CERS4: variants seen among roughly 807,000 people sequenced by gnomAD.
The protein encoded by CERS4 is ceramide synthase 4, also known as LAG1 homolog, ceramide synthase 4.
In CERS4, 65 loss-of-function variants were observed where a neutral mutation model predicts 51.8. The observed-to-expected ratio is 1.26, with a 90% confidence interval of 1.03 to 1.54. The LOEUF (loss-of-function observed/expected upper bound fraction) is 1.54. CERS4 is among the 40% of genes most tolerant of loss of function. The probability of loss-of-function intolerance (pLI) is 0.00; values close to 1 mark genes in which losing one functional copy is unlikely to be tolerated. For synonymous variants in CERS4, 228 were observed against 208.4 expected (o/e 1.09, Z -0.81); for missense variants, 563 against 500.4 (o/e 1.13, Z -1.19).
At chr19:8,212,859 G>T (rs770725121) in intron 2 of CERS4, among the ~76,000 whole-genome samples, 2 of 151,650 alleles carry the variant, frequency 1.3e-5, no homozygotes, top group Non-Finnish European at 2.9e-5. Flanking sequence ...TGTTGGCCAG[G>T]CTGGTCTCGA....
At position 8,256,296 on chromosome 19, in the gene CERS4, AGAGT is replaced by A. The variant is rs779421017; in HGVS notation, c.519+12_519+15del. ...CAGGTACCCAAACCAGGTGAGTGGC[AGAGT>A]GTGTGTGAATGCTTGGAGGGTGAGG... On this transcript the variant is annotated intron_variant, in intron 7 of 11. Coordinates refer to ENST00000251363, the MANE Select transcript of CERS4 (RefSeq NM_024552.3). 5 of 1,409,166 alleles carry A rather than the reference AGAGT, an allele frequency of 3.5e-6. No homozygotes were observed. Among genetic ancestry groups the A allele is most frequent in the Non-Finnish European group, 4.9e-6 (5 of 1,016,410 alleles). 87.3% of individuals were successfully genotyped at this position (1,409,166 alleles called of 1,614,324 possible).
intron 2 of CERS4, among the ~76,000 whole-genome samples, chr19:8,247,058 C>T (rs758722072): frequency 7.9e-5 from 12 of 152,086 alleles, no homozygotes; most frequent in Admixed American, 7.9e-4. Context: ...CCCAGCTACT[C>T]GGGAGACTGA....
chr19:8,259,138 TAAAA>T (rs571478547), intron 10 of CERS4, among the ~76,000 whole-genome samples: 23 of 151,444 alleles, frequency 1.5e-4, no homozygotes, highest in African/African-American at 4.6e-4. Flanking sequence ...TGTCTCTAAA[TAAAA>T]AAAAGTCAGG....
In CERS4 at chr19:8,255,595, C is replaced by A. The variant is rs1969332279; in HGVS notation, c.292-12C>A. On this transcript the variant is annotated splice_polypyrimidine_tract_variant and intron_variant, in intron 4 of 11. Coordinates refer to ENST00000251363, the MANE Select transcript of CERS4 (RefSeq NM_024552.3). ...GCCTCTGTGACCCTTGTCCTCATCA[C>A]CCCCTCCCCAGCCCCAGCTGTCTCT... 5 of 1,604,116 alleles carry A rather than the reference C, an allele frequency of 3.1e-6. No individual in the cohort carries two copies. The highest frequency in any genetic ancestry group is 2.2e-4 in the Middle Eastern group (1 of 4,550).
At chr19:8,216,760 G>T (rs62126387) in intron 2 of CERS4, among the ~76,000 whole-genome samples, 17,301 of 152,112 alleles carry the variant, frequency 0.11, 1,137 homozygotes, top group South Asian at 0.24. Flanking sequence ...CGATAAATGT[G>T]AAGTGATGTC....
At chr19:8,245,117 A>ACAAAACAAAACAAACAAAACC (rs1260338046) in intron 2 of CERS4, among the ~76,000 whole-genome samples, 1 of 143,092 alleles carries the variant, frequency 7.0e-6, no homozygotes, top group Non-Finnish European at 1.6e-5. Flanking sequence ...ATCTCAAAAA[A>ACAAAACAAAACAAACAAAACC]AAAAAAAAAA....
chr19:8,248,428 CAAGT>C (rs1382967686), intron 2 of CERS4, among the ~76,000 whole-genome samples: 12 of 151,162 alleles, frequency 7.9e-5, no homozygotes, highest in African/African-American at 1.2e-4. Flanking sequence ...GAAGGACACA[CAAGT>C]GAGTGATGGA....
At chr19:8,221,877 T>TA (rs1262388485) in intron 2 of CERS4, among the ~76,000 whole-genome samples, 3 of 88,942 alleles carry the variant, frequency 3.4e-5, no homozygotes, top group Admixed American at 1.1e-4. Context: ...TTTATGTTTT[T>TA]TTTTTTTTTT....
intron 2 of CERS4, chr19:8,238,424 T>G: frequency 2.7e-6 from 2 of 750,030 alleles, no homozygotes; most frequent in Non-Finnish European, 3.2e-6. Context: ...GGCGGAGGCA[T>G]GTTGGAAAAA....
rs1353714087 is a variant in CERS4, at chr19:8,254,608, C to T, written c.283C>T (p.Pro95Ser). The change falls in exon 4 of 12, where the codon CCC becomes TCC. Residue 95 changes from proline to serine, a missense_variant. By Grantham distance (74) the Pro-to-Ser change is moderately conservative (BLOSUM62 -1). Coordinates refer to ENST00000251363, the MANE Select transcript of CERS4 (RefSeq NM_024552.3). ...EKHFLTEGHR[P>S]KEPQLSLLAA... Reference sequence around the variant, plus strand: ...ACACTTCCTCACGGAAGGGCACAGGCCCAAGGAGGTGAGAGCCCCCCATGC... The same window carrying T: ...ACACTTCCTCACGGAAGGGCACAGGTCCAAGGAGGTGAGAGCCCCCCATGC... 6.2e-7 allele frequency: 1 copy of T among 1,607,552 alleles called. No individual in the cohort carries two copies. Among genetic ancestry groups the T allele is most frequent in the Non-Finnish European group, 8.5e-7 (1 of 1,177,822 alleles).
At chr19:8,253,264 G>C (rs1004651218) in intron 3 of CERS4, among the ~76,000 whole-genome samples, 17 of 152,174 alleles carry the variant, frequency 1.1e-4, no homozygotes, top group African/African-American at 4.1e-4. Flanking sequence ...GGCTTGGAGC[G>C]GGAACAGCCC....
At chr19:8,249,123 GGAT>G (rs1968935359) in intron 2 of CERS4, among the ~76,000 whole-genome samples, 1 of 149,564 alleles carries the variant, frequency 6.7e-6, no homozygotes, top group Non-Finnish European at 1.5e-5. Context: ...ATGGGTAGAT[GGAT>G]GATGAGTGGG....
chr19:8,228,179 G>A (rs1039697320), intron 2 of CERS4, among the ~76,000 whole-genome samples: 1 of 151,536 alleles, frequency 6.6e-6, no homozygotes, highest in Non-Finnish European at 1.5e-5. Context: ...CGATCCGTCC[G>A]CCTCGGCCTC....
At position 8,230,469 on chromosome 19, in the gene CERS4, C is replaced by T. The variant is rs941707656; in HGVS notation, c.-2+19607C>T. Among the ~76,000 whole-genome samples, 23 of 152,242 alleles carry T rather than the reference C, an allele frequency of 1.5e-4. 1 individual carries two copies. The South Asian group carries it at 4.6e-3, about 30-fold the overall frequency. ...CCTCCTAAAGTGCTGGGATTACAGG[C>T]GGGAGCCACTGTGCCCAGCCATAAG... On this transcript the variant is annotated intron_variant, in intron 2 of 11. Coordinates refer to ENST00000251363, the MANE Select transcript of CERS4 (RefSeq NM_024552.3).
At position 8,257,091 on chromosome 19, in the gene CERS4, C is replaced by T; in HGVS notation, c.741+14C>T. On this transcript the variant is annotated intron_variant, in intron 9 of 11. Transcript: ENST00000251363. ...TACCTGCTGGAGGTGGGCCCGACCCCTGCCTGACCCTTCCCAGCTGCTGTA... is the reference window on the plus strand; with the variant it reads ...TACCTGCTGGAGGTGGGCCCGACCCTTGCCTGACCCTTCCCAGCTGCTGTA... 1.3e-6 allele frequency: 2 copies of T among 1,577,474 alleles called. No individual in the cohort carries two copies. Among genetic ancestry groups the T allele is most frequent in the South Asian group, 1.2e-5 (1 of 84,700 alleles).
chr19:8,257,257 C>CT (rs1969443744), intron 9 of CERS4, 180 bp downstream of exon 9: 1 of 647,754 alleles, frequency 1.5e-6, no homozygotes, highest in African/African-American at 1.9e-5. Flanking sequence ...CCCACCCCCT[C>CT]TGTCTTCCTG....
Position 8,256,775 on chromosome 19 carries a change from G to A in CERS4, c.612+65G>A, listed in dbSNP as rs1969408395. 4.4e-6 allele frequency: 7 copies of A among 1,579,976 alleles called. No individual in the cohort carries two copies. The Admixed American group carries it at 1.1e-4, about 24-fold the overall frequency. ...CGGGATGCTGGGGTGCTGGGGGGTA[G>A]GGCAGCCTTACAACCGCACCTTGAG... On this transcript the variant is annotated intron_variant, in intron 8 of 11. Transcript: ENST00000251363.
chr19:8,241,664 G>C (rs1312167603), intron 2 of CERS4, among the ~76,000 whole-genome samples: 1 of 152,106 alleles, frequency 6.6e-6, no homozygotes, highest in Admixed American at 6.6e-5. Context: ...TGGAAGAGGG[G>C]CTATTGTTTG....
chr19:8,240,243 G>C (rs1041744191), intron 2 of CERS4, among the ~76,000 whole-genome samples: 1 of 152,130 alleles, frequency 6.6e-6, no homozygotes, highest in Non-Finnish European at 1.5e-5. Flanking sequence ...CCAGAATGTA[G>C]AGGGCAGGAA....
Sources: allele counts gnomAD v4.1 joint callset (sites outside exome capture counted in the v4.1 genomes callset), GRCh38; gene constraint gnomAD v4.1.1; transcripts MANE v1.5; gene names NCBI Gene and HGNC (gene_info 2026-07-23, HGNC 2026-07-21).